The following ATP6V1H variants were observed in gnomAD, a reference collection of about 807,000 sequenced individuals.
ATP6V1H encodes ATPase H+ transporting V1 subunit H.
Under a neutral mutation model 71.7 loss-of-function variants are expected in ATP6V1H, and 39 were observed. The ratio of observed to expected loss-of-function variants is 0.54; its 90% confidence interval spans 0.42 to 0.71. ATP6V1H has a LOEUF of 0.71. ATP6V1H is among the 30% of genes least tolerant of loss of function. ATP6V1H has a pLI of 0.00. For missense variants in ATP6V1H, 509 were observed against 594.9 expected (o/e 0.86, Z 1.50); for synonymous variants, 192 against 199.3 (o/e 0.96, Z 0.31).
rs149594327 is a variant in ATP6V1H, at chr8:53,804,109, A to G, written c.580-2213T>C. ...AAAGTGCTGGTCCTAAATCTGACAT[A>G]CTCTCTCCTATTGCACACTATCAGG... On this transcript the variant is annotated intron_variant, in intron 7 of 13. Transcript: ENST00000359530. Among the ~76,000 whole-genome samples the G allele has an allele frequency of 2.1e-3, 315 of 152,222 alleles. 2 individuals carry two copies. The highest frequency in any genetic ancestry group is 7.3e-3 in the African/African-American group (303 of 41,524).
At chr8:53,729,613 G>C (rs11993938) in intron 13 of ATP6V1H, among the ~76,000 whole-genome samples, 57 of 152,370 alleles carry the variant, frequency 3.7e-4, no homozygotes, top group African/African-American at 1.2e-3. Flanking sequence ...GGGAGGAAGG[G>C]AGTGTGGAAT....
At chr8:53,751,592 A>G (rs1378495817) in intron 12 of ATP6V1H, among the ~76,000 whole-genome samples, 1 of 152,224 alleles carries the variant, frequency 6.6e-6, no homozygotes, top group Admixed American at 6.5e-5. Flanking sequence ...TACTGAGGTA[A>G]TAGAAAATGG....
intron 1 of ATP6V1H, among the ~76,000 whole-genome samples, chr8:53,842,266 G>A (rs1350169572): frequency 6.6e-6 from 1 of 152,176 alleles, no homozygotes. Flanking sequence ...AAAATTCATA[G>A]TATTTGCAAA....
intron 12 of ATP6V1H, among the ~76,000 whole-genome samples, chr8:53,745,731 C>CAA (rs879465903): frequency 7.2e-6 from 1 of 139,318 alleles, no homozygotes; most frequent in African/African-American, 2.6e-5. Context: ...CACAAAAATG[C>CAA]AAAAAAAAAA....
At chr8:53,818,398 T>C (rs1321968022) in intron 4 of ATP6V1H, among the ~76,000 whole-genome samples, 3 of 152,204 alleles carry the variant, frequency 2.0e-5, no homozygotes, top group African/African-American at 7.2e-5. Flanking sequence ...AAATTCCTAT[T>C]TTCAGATTAA....
intron 13 of ATP6V1H, among the ~76,000 whole-genome samples, chr8:53,725,117 G>T (rs1348651353): frequency 1.3e-5 from 2 of 152,202 alleles, no homozygotes; most frequent in Non-Finnish European, 2.9e-5. Context: ...AGTATTGAGA[G>T]GAGGGGCCTT....
intron 9 of ATP6V1H, among the ~76,000 whole-genome samples, chr8:53,790,232 T>C (rs1809524848): frequency 6.6e-6 from 1 of 152,234 alleles, no homozygotes; most frequent in African/African-American, 2.4e-5. Context: ...ACCTCCAGGT[T>C]AACTTTTTCA....
At chr8:53,755,744 A>T (rs371433553) in intron 12 of ATP6V1H, among the ~76,000 whole-genome samples, 1,550 of 4,080 alleles carry the variant, frequency 0.38, 107 homozygotes, top group Middle Eastern at 0.5. Flanking sequence ...ATATATATAT[A>T]TTTTTTTTTT....
At chr8:53,732,222 T>G (rs1807049003) in intron 13 of ATP6V1H, among the ~76,000 whole-genome samples, 1 of 152,154 alleles carries the variant, frequency 6.6e-6, no homozygotes, top group African/African-American at 2.4e-5. Flanking sequence ...CTTTCCTTCT[T>G]GTAGTGTGAG....
chr8:53,750,801 A>G (rs1201322054), intron 12 of ATP6V1H, among the ~76,000 whole-genome samples: 1 of 152,164 alleles, frequency 6.6e-6, no homozygotes, highest in Admixed American at 6.5e-5. Flanking sequence ...ATTTAATGTG[A>G]AAAATCCCAT....
At chr8:53,793,895 C>T (rs1241657853) in intron 9 of ATP6V1H, among the ~76,000 whole-genome samples, 2 of 152,104 alleles carry the variant, frequency 1.3e-5, no homozygotes, top group Admixed American at 6.5e-5. Context: ...GCTGAGATTG[C>T]ACCACTGCAC....
chr8:53,773,796 C>T (rs368258341), intron 9 of ATP6V1H, among the ~76,000 whole-genome samples: 2 of 152,192 alleles, frequency 1.3e-5, no homozygotes, highest in Admixed American at 6.5e-5. Context: ...GCTTTCAATA[C>T]ATGAAAAATT....
At chr8:53,722,072 T>C (rs1342183090) in intron 13 of ATP6V1H, among the ~76,000 whole-genome samples, 2 of 152,268 alleles carry the variant, frequency 1.3e-5, no homozygotes, top group East Asian at 3.8e-4. Context: ...TATTTTTTCC[T>C]ACAGGAATTC....
chr8:53,828,354 T>A (rs1045313908), intron 4 of ATP6V1H, among the ~76,000 whole-genome samples: 5 of 152,182 alleles, frequency 3.3e-5, no homozygotes, highest in Non-Finnish European at 7.3e-5. Context: ...AACCCTGTGG[T>A]GCTGCGCTGA....
intron 12 of ATP6V1H, 41 bp downstream of exon 12, chr8:53,756,514 A>C (rs890802323): frequency 6.7e-7 from 1 of 1,486,834 alleles, no homozygotes; most frequent in Non-Finnish European, 9.4e-7. Flanking sequence ...TCTACACTGA[A>C]GGTTTCAAGA....
intron 8 of ATP6V1H, among the ~76,000 whole-genome samples, chr8:53,800,807 CTCTT>C (rs1363081184): frequency 2.6e-5 from 4 of 152,094 alleles, no homozygotes; most frequent in African/African-American, 9.7e-5. Context: ...GTTTTTCACT[CTCTT>C]TATTCTTAGT....
At position 53,827,647 on chromosome 8, in the gene ATP6V1H, G is replaced by A. The variant is rs141252931; in HGVS notation, c.306+1797C>T. Among the ~76,000 whole-genome samples, 394 of 151,962 alleles carry A rather than the reference G, an allele frequency of 2.6e-3. 6 individuals are homozygous for A. The highest frequency in any genetic ancestry group is 8.7e-3 in the African/African-American group (362 of 41,438). On this transcript the variant is annotated intron_variant, in intron 4 of 13. Coordinates refer to ENST00000359530, the MANE Select transcript of ATP6V1H (RefSeq NM_015941.4). ...TTTTAGGTTCAGGGGTACATGTGCC[G>A]GTGTGTTATATTGGTAAACTCATGT...
At chr8:53,823,765 TGCCTG>T in intron 4 of ATP6V1H, among the ~76,000 whole-genome samples, 1 of 152,186 alleles carries the variant, frequency 6.6e-6, no homozygotes, top group Non-Finnish European at 1.5e-5. Flanking sequence ...TGAGCCACCA[TGCCTG>T]GCCAATATTT....
intron 12 of ATP6V1H, among the ~76,000 whole-genome samples, chr8:53,750,532 C>T (rs932702578): frequency 1.3e-5 from 2 of 151,944 alleles, no homozygotes; most frequent in African/African-American, 2.4e-5. Flanking sequence ...TTTCCAAGAA[C>T]GTATGGATGA....
Sources: gnomAD v4.1 joint callset for allele counts (sites outside exome capture counted in the v4.1 genomes callset) on GRCh38, gnomAD v4.1.1 for gene constraint, MANE v1.5 for transcripts, NCBI Gene and HGNC (gene_info 2026-07-23, HGNC 2026-07-21) for gene names.